CADM1: variants seen among roughly 807,000 people sequenced by gnomAD.
The protein encoded by CADM1 is cell adhesion molecule 1.
Under a neutral mutation model 53.1 loss-of-function variants are expected in CADM1, and 15 were observed. The observed-to-expected ratio is 0.28, with a 90% CI of 0.19 to 0.44. The LOEUF is 0.44. Ranked by LOEUF, CADM1 falls within the 20% of genes least tolerant of loss-of-function variation. The probability of loss-of-function intolerance (pLI) is 1.00; values close to 1 mark genes in which losing one functional copy is unlikely to be tolerated. For missense variants in CADM1, 434 were observed against 611.3 expected (o/e 0.71, Z 3.06); for synonymous variants, 281 against 243.0 (o/e 1.16, Z -1.45).
At chr11:115,324,238 A>G (rs1165176851) in intron 1 of CADM1, among the ~76,000 whole-genome samples, 1 of 150,562 alleles carries the variant, frequency 6.6e-6, no homozygotes, top group Non-Finnish European at 1.5e-5. Flanking sequence ...AAGTAATCAC[A>G]TGTCTTCCTT....
At chr11:115,321,521 C>A (rs1019331748) in intron 1 of CADM1, among the ~76,000 whole-genome samples, 7 of 152,124 alleles carry the variant, frequency 4.6e-5, no homozygotes, top group African/African-American at 1.7e-4. Context: ...TAATGTTTGA[C>A]CCAGATTACA....
At chr11:115,391,032 A>G (rs1024545928) in intron 1 of CADM1, among the ~76,000 whole-genome samples, 3 of 152,242 alleles carry the variant, frequency 2.0e-5, no homozygotes, top group Non-Finnish European at 4.4e-5. Flanking sequence ...GCAAAGCAAT[A>G]GAAATGCACA....
chr11:115,204,716 T>C (rs10128746), intron 8 of CADM1, among the ~76,000 whole-genome samples: 13,493 of 152,222 alleles, frequency 0.089, 950 homozygotes, highest in East Asian at 0.38. Flanking sequence ...GGTGTCAAGT[T>C]TCCCCACTTG....
intron 5 of CADM1, among the ~76,000 whole-genome samples, chr11:115,227,979 T>G (rs559525560): frequency 1.6e-4 from 24 of 152,316 alleles, no homozygotes; most frequent in African/African-American, 5.8e-4. Flanking sequence ...CTTAAGGATC[T>G]CAAGATGAGG....
chr11:115,186,149 T>C (rs1192861569), intron 10 of CADM1, among the ~76,000 whole-genome samples: 2 of 152,156 alleles, frequency 1.3e-5, no homozygotes, highest in African/African-American at 2.4e-5. Flanking sequence ...ATTTCTTCAG[T>C]CTACTGCCTT....
intron 1 of CADM1, among the ~76,000 whole-genome samples, chr11:115,354,115 A>T (rs1313874337): frequency 6.6e-6 from 1 of 152,196 alleles, no homozygotes; most frequent in Non-Finnish European, 1.5e-5. Context: ...TAGGGAAAAC[A>T]GTTAACAAGA....
intron 1 of CADM1, among the ~76,000 whole-genome samples, chr11:115,398,474 G>A (rs1486286367): frequency 6.6e-6 from 1 of 152,028 alleles, no homozygotes; most frequent in Non-Finnish European, 1.5e-5. Flanking sequence ...ACTTAAGCAT[G>A]GTTCTCTTCC....
At position 115,411,274 on chromosome 11, in the gene CADM1, G is replaced by A. The variant is rs115961111; in HGVS notation, c.124+92997C>T. On this transcript the variant is annotated intron_variant, in intron 1 of 11. Coordinates refer to ENST00000331581, the MANE Select transcript of CADM1 (RefSeq NM_001301043.2). ...AATGCATGTCTGTGACAAACTGTTT[G>A]TGTCAAGAAGAACAGAAAGTGATTC... Among the ~76,000 whole-genome samples, 757 of 152,296 alleles carry A rather than the reference G, an allele frequency of 5.0e-3. 3 individuals are homozygous for A. The highest frequency in any genetic ancestry group is 0.017 in the African/African-American group (712 of 41,562).
At chr11:115,452,927 T>A (rs1233831511) in intron 1 of CADM1, among the ~76,000 whole-genome samples, 1 of 152,142 alleles carries the variant, frequency 6.6e-6, no homozygotes, top group Non-Finnish European at 1.5e-5. Context: ...TCAGGAGGTA[T>A]CATTGCTTTC....
intron 1 of CADM1, chr11:115,240,704 G>A: frequency 2.3e-6 from 1 of 430,430 alleles, no homozygotes; most frequent in Non-Finnish European, 4.3e-6. Flanking sequence ...GTATATTGAG[G>A]AGGTATTGGA....
At chr11:115,336,341 G>C (rs1016985230) in intron 1 of CADM1, among the ~76,000 whole-genome samples, 1 of 152,084 alleles carries the variant, frequency 6.6e-6, no homozygotes, top group Non-Finnish European at 1.5e-5. Context: ...TCATCTCATC[G>C]ATCCCTCAAA....
chr11:115,259,316 T>G (rs923371011), intron 1 of CADM1, among the ~76,000 whole-genome samples: 20 of 123,274 alleles, frequency 1.6e-4, no homozygotes, highest in African/African-American at 6.3e-4. Context: ...TTTTTTTTTT[T>G]TTTTTTTGAG....
chr11:115,328,958 G>C (rs1354524403), intron 1 of CADM1, among the ~76,000 whole-genome samples: 1 of 150,478 alleles, frequency 6.6e-6, no homozygotes, highest in African/African-American at 2.4e-5. Context: ...TGGGCATCCT[G>C]TTTTTTACTT....
At chr11:115,377,255 G>A (rs1278139160) in intron 1 of CADM1, 2 of 152,112 alleles carry the variant, frequency 1.3e-5, no homozygotes, top group Non-Finnish European at 2.9e-5. Flanking sequence ...TGAGAAGAAA[G>A]CTCTCCAATA....
At chr11:115,389,412 TG>T (rs1946778746) in intron 1 of CADM1, among the ~76,000 whole-genome samples, 1 of 152,216 alleles carries the variant, frequency 6.6e-6, no homozygotes, top group African/African-American at 2.4e-5. Flanking sequence ...CACCTCAATG[TG>T]GAAAAAGTCA....
At chr11:115,431,431 T>C (rs1485888879) in intron 1 of CADM1, among the ~76,000 whole-genome samples, 5 of 152,130 alleles carry the variant, frequency 3.3e-5, no homozygotes, top group Non-Finnish European at 7.4e-5. Context: ...ACAGTAGTTC[T>C]TTGTACCTGT....
At chr11:115,216,923 G>A (rs1467985545) in intron 6 of CADM1, among the ~76,000 whole-genome samples, 2 of 152,134 alleles carry the variant, frequency 1.3e-5, no homozygotes, top group Non-Finnish European at 2.9e-5. Flanking sequence ...TGAAAACTGT[G>A]ATGACGCTGG....
At chr11:115,221,019 A>T (rs1291069481) in intron 5 of CADM1, among the ~76,000 whole-genome samples, 2 of 152,190 alleles carry the variant, frequency 1.3e-5, no homozygotes, top group Non-Finnish European at 2.9e-5. Flanking sequence ...AGCCTCCAAG[A>T]TTTATTTTTA....
At chr11:115,432,328 C>T (rs1269855849) in intron 1 of CADM1, among the ~76,000 whole-genome samples, 1 of 152,158 alleles carries the variant, frequency 6.6e-6, no homozygotes, top group Non-Finnish European at 1.5e-5. Context: ...CCTTTCTCCC[C>T]ATCCCACAAG....
Sources: allele counts gnomAD v4.1 joint callset (sites outside exome capture counted in the v4.1 genomes callset), GRCh38; gene constraint gnomAD v4.1.1; transcripts MANE v1.5; gene names NCBI Gene and HGNC (gene_info 2026-07-23, HGNC 2026-07-21).